The following RALYL variants were observed in gnomAD, a reference collection of about 807,000 sequenced individuals.
RALYL encodes RNA-binding Raly-like protein.
A neutral mutation model predicts 35.1 loss-of-function variants in RALYL; 29 were observed. That is an observed-to-expected ratio of 0.83 (90% CI 0.61 to 1.13). The LOEUF is 1.13. Ranked by LOEUF, RALYL falls within the 50% of genes most tolerant of loss-of-function variation. The probability of loss-of-function intolerance (pLI) is 0.00; values close to 1 mark genes in which losing one functional copy is unlikely to be tolerated. For synonymous variants in RALYL, 120 were observed against 127.6 expected, an observed-to-expected ratio of 0.94 and a Z score of 0.40; for missense variants, 359 against 360.4, an observed-to-expected ratio of 1.00 and a Z score of 0.03.
chr8:84,563,597 A>G (rs2061596211), intron 2 of RALYL, among the ~76,000 whole-genome samples: 1 of 151,544 alleles, frequency 6.6e-6, no homozygotes, highest in Non-Finnish European at 1.5e-5. Context: ...CCAGCGGTCG[A>G]TATAGCACAG....
At chr8:84,521,608 G>C (rs1462922158) in intron 1 of RALYL, among the ~76,000 whole-genome samples, 1 of 152,240 alleles carries the variant, frequency 6.6e-6, no homozygotes, top group East Asian at 1.9e-4. Flanking sequence ...TTCCCCAAGA[G>C]ATAGTTTACC....
At chr8:84,506,863 G>A (rs935286654) in intron 1 of RALYL, among the ~76,000 whole-genome samples, 2 of 151,910 alleles carry the variant, frequency 1.3e-5, no homozygotes, top group African/African-American at 4.8e-5. Flanking sequence ...CCAGATAACA[G>A]ATATTTTGCT....
intron 6 of RALYL, 110 bp downstream of exon 6, chr8:84,862,563 A>G: frequency 2.4e-6 from 2 of 848,806 alleles, no homozygotes; most frequent in East Asian, 3.2e-5. Context: ...AGGACCTGCT[A>G]TGTATAAAGT....
intron 8 of RALYL, among the ~76,000 whole-genome samples, chr8:84,900,920 A>G (rs1276833197): frequency 1.3e-5 from 2 of 152,164 alleles, no homozygotes; most frequent in Non-Finnish European, 2.9e-5. Context: ...CAGGCAGGAG[A>G]GATTTTAAGC....
intron 2 of RALYL, among the ~76,000 whole-genome samples, chr8:84,555,245 C>T (rs1381894721): frequency 6.6e-6 from 1 of 152,154 alleles, no homozygotes; most frequent in Non-Finnish European, 1.5e-5. Flanking sequence ...TGCCACTGCA[C>T]TCCAACGTGG....
At chr8:84,281,110 G>GTT (rs1836456853) in intron 1 of RALYL, among the ~76,000 whole-genome samples, 1 of 152,050 alleles carries the variant, frequency 6.6e-6, no homozygotes, top group African/African-American at 2.4e-5. Context: ...CTATACAGAG[G>GTT]TTTTTCTTTG....
intron 8 of RALYL, among the ~76,000 whole-genome samples, chr8:84,906,736 C>A (rs1846564979): frequency 6.6e-6 from 1 of 151,656 alleles, no homozygotes; most frequent in South Asian, 2.1e-4. Context: ...AAGATTTTAT[C>A]CAGATAGCAT....
intron 1 of RALYL, among the ~76,000 whole-genome samples, chr8:84,367,338 T>G (rs1489368441): frequency 1.4e-3 from 88 of 64,628 alleles, no homozygotes; most frequent in African/African-American, 8.3e-3. Flanking sequence ...TTTTTTTTTT[T>G]TTTTTTTTTT....
chr8:84,403,524 GTTTTTTTTTTTTTTT>G (rs769845435), intron 1 of RALYL, among the ~76,000 whole-genome samples: 3 of 39,482 alleles, frequency 7.6e-5, no homozygotes, highest in Non-Finnish European at 1.6e-4. Context: ...CTATATCTCT[GTTTTTTTTTTTTTTT>G]TTTTTTTTTT....
intron 4 of RALYL, among the ~76,000 whole-genome samples, chr8:84,846,982 T>C (rs1421957690): frequency 1.3e-5 from 2 of 152,222 alleles, no homozygotes; most frequent in Non-Finnish European, 2.9e-5. Context: ...ATTTTTTTCT[T>C]CTGCTAACTT....
chr8:84,694,834 T>A (rs2132217724), intron 2 of RALYL, among the ~76,000 whole-genome samples: 1 of 152,012 alleles, frequency 6.6e-6, no homozygotes, highest in African/African-American at 2.4e-5. Flanking sequence ...TTGTTTTTTG[T>A]ATATGTTGTA....
At chr8:84,241,841 G>GT (rs928738605) in intron 1 of RALYL, among the ~76,000 whole-genome samples, 3 of 149,666 alleles carry the variant, frequency 2.0e-5, no homozygotes, top group African/African-American at 4.9e-5. Context: ...CACACTTTTT[G>GT]TTTTTTTTCT....
chr8:84,836,181 T>G (rs1301601521), intron 4 of RALYL, among the ~76,000 whole-genome samples: 1 of 152,186 alleles, frequency 6.6e-6, no homozygotes, highest in Non-Finnish European at 1.5e-5. Flanking sequence ...AATAGGATTT[T>G]TCTTCCTCCT....
intron 4 of RALYL, among the ~76,000 whole-genome samples, chr8:84,845,323 C>T (rs1834404513): frequency 6.6e-6 from 1 of 152,086 alleles, no homozygotes; most frequent in Non-Finnish European, 1.5e-5. Context: ...CAACCATTCC[C>T]TTTTCTTTGC....
intron 4 of RALYL, among the ~76,000 whole-genome samples, chr8:84,840,767 T>C (rs1367518593): frequency 1.3e-5 from 2 of 152,220 alleles, no homozygotes; most frequent in Non-Finnish European, 2.9e-5. Flanking sequence ...ACAACTGATC[T>C]CTCGGCAGAA....
At chr8:84,620,381 C>T (rs937596897) in intron 2 of RALYL, among the ~76,000 whole-genome samples, 8 of 152,078 alleles carry the variant, frequency 5.3e-5, no homozygotes, top group Non-Finnish European at 8.8e-5. Flanking sequence ...TCCAGTTGAT[C>T]GCATCGGCTC....
intron 2 of RALYL, among the ~76,000 whole-genome samples, chr8:84,666,275 T>C (rs1354139424): frequency 6.6e-6 from 1 of 152,076 alleles, no homozygotes; most frequent in Non-Finnish European, 1.5e-5. Flanking sequence ...TCTGAGACCA[T>C]AGTGAAGATG....
At chr8:84,552,358 AT>A (rs1167949176) in intron 2 of RALYL, among the ~76,000 whole-genome samples, 182 of 30,564 alleles carry the variant, frequency 6.0e-3, no homozygotes, top group East Asian at 0.014. Flanking sequence ...ATATATATAT[AT>A]TTTTTTTTTT....
chr8:84,661,606 G>C (rs1320404089), intron 2 of RALYL, among the ~76,000 whole-genome samples: 1 of 145,600 alleles, frequency 6.9e-6, no homozygotes, highest in African/African-American at 2.6e-5. Context: ...TTTTTTTTTC[G>C]TGCTACATTT....
Sources: allele counts gnomAD v4.1 joint callset (sites outside exome capture counted in the v4.1 genomes callset), GRCh38; gene constraint gnomAD v4.1.1; transcripts MANE v1.5; gene names NCBI Gene and HGNC (gene_info 2026-07-23, HGNC 2026-07-21).